SIN3A: variants seen among roughly 807,000 people sequenced by gnomAD.
SIN3A encodes paired amphipathic helix protein Sin3a.
Under a neutral mutation model 146.1 loss-of-function variants are expected in SIN3A, and 14 were observed. The ratio of observed to expected loss-of-function variants is 0.10; its 90% CI spans 0.06 to 0.15. SIN3A has a LOEUF of 0.15. Among genes scored for constraint, SIN3A ranks in the 10% least tolerant of loss-of-function variants. The pLI is 1.00. For missense variants in SIN3A, 1,028 were observed against 1,576.0 expected, an observed-to-expected ratio of 0.65 and a Z score of 5.89; for synonymous variants, 572 against 572.0, an observed-to-expected ratio of 1.00 and a Z score of 0.00.
At chr15:75,373,279 G>C (rs898592051) in intron 20 of SIN3A, among the ~76,000 whole-genome samples, 2 of 152,208 alleles carry the variant, frequency 1.3e-5, no homozygotes, top group African/African-American at 4.8e-5. Context: ...TCGAGAGGCT[G>C]AGACAAGAGA....
At chr15:75,422,598 T>G (rs2073858187) in intron 3 of SIN3A, 49 bp downstream of exon 3, 1 of 1,599,124 alleles carries the variant, frequency 6.3e-7, no homozygotes. Flanking sequence ...AACCAGTATT[T>G]CCTGCTAAAG....
upstream of SIN3A, among the ~76,000 whole-genome samples, chr15:75,451,954 C>T (rs1287502389): frequency 6.6e-6 from 1 of 152,100 alleles, no homozygotes; most frequent in East Asian, 1.9e-4. Context: ...AGCCCCAACA[C>T]TATTGGAGGA....
At chr15:75,422,522 TA>T in intron 3 of SIN3A, 124 bp downstream of exon 3, 1 of 1,137,028 alleles carries the variant, frequency 8.8e-7, no homozygotes, top group Non-Finnish European at 1.3e-6. Flanking sequence ...ACAAAAACGG[TA>T]AAACTTGTGA....
rs1346616611 is a variant in SIN3A, at chr15:75,451,570, C to A, written c.-181G>T. 1.5e-5 allele frequency: 2 copies of A among 136,756 alleles called. No homozygotes were observed. Among genetic ancestry groups the A allele is most frequent in the African/African-American group, 2.6e-5 (1 of 37,884 alleles). 8.5% of individuals were successfully genotyped at this position (136,756 alleles called of 1,614,324 possible). A position where few individuals can be genotyped will look rare whatever the true frequency, so the allele number is the denominator to read the frequency against. On this transcript the variant is annotated 5_prime_UTR_variant, in exon 1 of 21. Transcript: ENST00000394947. ...TCCACTAACGAAGCGGTCACAGGCT[C>A]CGGTGCCCAGACTGGGAAGGAGGGA...
chr15:75,434,308 T>G (rs2074063739), intron 1 of SIN3A, among the ~76,000 whole-genome samples: 3 of 152,202 alleles, frequency 2.0e-5, no homozygotes, highest in Non-Finnish European at 4.4e-5. Flanking sequence ...GTAGATGATT[T>G]CAGCCCTTGC....
At chr15:75,404,531 C>T (rs1442150893) in intron 9 of SIN3A, among the ~76,000 whole-genome samples, 1 of 152,048 alleles carries the variant, frequency 6.6e-6, no homozygotes, top group Admixed American at 6.6e-5. Flanking sequence ...GAGGCCAAGG[C>T]AGGCGGATCA....
chr15:75,418,307 G>C (rs2073779250), intron 3 of SIN3A, among the ~76,000 whole-genome samples: 1 of 150,826 alleles, frequency 6.6e-6, no homozygotes, highest in Non-Finnish European at 1.5e-5. Context: ...TGGGATTACA[G>C]GCGTAAGCCA....
intron 3 of SIN3A, chr15:75,415,761 G>T (rs571780555): frequency 6.2e-6 from 1 of 161,410 alleles, no homozygotes; most frequent in Non-Finnish European, 1.3e-5. Flanking sequence ...TGAGGCAGGG[G>T]AATCACTTGA....
intron 9 of SIN3A, 114 bp from the exon 10 acceptor site, chr15:75,402,084 G>A: frequency 1.5e-6 from 1 of 675,616 alleles, no homozygotes; most frequent in Non-Finnish European, 2.6e-6. Flanking sequence ...TCAGCTCACT[G>A]CAGCCTCCCA....
At position 75,414,300 on chromosome 15, in the gene SIN3A, C is replaced by G; in HGVS notation, c.378G>C (p.Ala126=). ...GCTTCACCTGGTCAAGATAAGATAGCGCATCCTCCACCTGAGGCAGGGATA... is the reference window on the plus strand; with the variant it reads ...GCTTCACCTGGTCAAGATAAGATAGGGCATCCTCCACCTGAGGCAGGGATA... ...QQFQRLKVED[A]LSYLDQVKLQ... The change falls in exon 4 of 21, where the codon GCG becomes GCC. Residue 126 remains alanine (A), a synonymous_variant. Coordinates refer to ENST00000394947, the MANE Select transcript of SIN3A (RefSeq NM_001145358.2). The G allele has an allele frequency of 2.7e-6, 4 of 1,501,718 alleles. No individual in the cohort carries two copies. The highest frequency in any genetic ancestry group is 1.8e-4 in the Middle Eastern group (1 of 5,674). 93.0% of individuals were successfully genotyped at this position (1,501,718 alleles called of 1,614,324 possible).
intron 1 of SIN3A, among the ~76,000 whole-genome samples, chr15:75,446,791 T>C (rs1260522163): frequency 2.0e-5 from 3 of 152,074 alleles, no homozygotes; most frequent in Non-Finnish European, 4.4e-5. Flanking sequence ...TTTTTTCTTT[T>C]GAGACAGTCT....
rs34167956 is a variant in SIN3A, at chr15:75,396,516, A to AGG, written c.1855-22_1855-21dup. The AGG allele has an allele frequency of 6.4e-7, 1 of 1,565,664 alleles. No homozygotes were observed. Among genetic ancestry groups the AGG allele is most frequent in the African/African-American group, 1.4e-5 (1 of 73,880 alleles). On this transcript the variant is annotated intron_variant, in intron 12 of 20. Transcript: ENST00000394947. ...ATCAAGCTGAAGAGGAAGACAAAGAAGGGTATGCTCAGGACCCAAATCAAA... is the reference window on the plus strand; with the variant it reads ...ATCAAGCTGAAGAGGAAGACAAAGAAGGGGGTATGCTCAGGACCCAAATCAAA...
rs1457915917 is a variant in SIN3A at position 75,378,087 on chromosome 15, C to T, written c.3384-2215G>A. 3.3e-5 allele frequency among the ~76,000 whole-genome samples: 5 copies of T among 152,168 alleles called. No homozygotes were observed. The East Asian group carries it at 9.6e-4, about 29-fold the overall frequency. On this transcript the variant is annotated intron_variant, in intron 19 of 20. Coordinates refer to ENST00000394947, the MANE Select transcript of SIN3A (RefSeq NM_001145358.2). ...ATCAATGTGATTTCTTTTGGAGACA[C>T]TGTAAAATATATCAACATTTAGTAG...
Position 75,382,613 on chromosome 15 carries a change from A to T in SIN3A, c.3196-908T>A, listed in dbSNP as rs528129134. On this transcript the variant is annotated intron_variant, in intron 17 of 20. Transcript: ENST00000394947. The stretch of plus-strand genomic sequence containing the variant: ...ATCAAATAGCCATAAAAAAGACAAT[A>T]AAGACCCAGAAGTGTTGTTAATTGA... Among the ~76,000 whole-genome samples the T allele has an allele frequency of 5.7e-3, 874 of 152,252 alleles. 3 individuals are homozygous for T. The highest frequency in any genetic ancestry group is 1.0e-2 in the Non-Finnish European group (680 of 68,044).
At chr15:75,386,264 G>C (rs2073075149) in intron 16 of SIN3A, among the ~76,000 whole-genome samples, 1 of 152,232 alleles carries the variant, frequency 6.6e-6, no homozygotes, top group South Asian at 2.1e-4. Flanking sequence ...CTGAGCTCAA[G>C]TGATCCACCC....
intron 3 of SIN3A, chr15:75,415,943 G>T: frequency 3.0e-6 from 1 of 332,082 alleles, no homozygotes; most frequent in South Asian, 3.1e-5. Flanking sequence ...TGGCAGGGAG[G>T]GGAATAACCT....
chr15:75,381,691 C>A lies in SIN3A; in HGVS notation c.3210G>T (p.Gln1070His). 6.2e-7 allele frequency: 1 copy of A among 1,613,662 alleles called. No homozygotes were observed. The highest frequency in any genetic ancestry group is 8.5e-7 in the Non-Finnish European group (1 of 1,179,746). Residue 1070 changes from glutamine (Q) to histidine (H), a missense_variant, in exon 18 of 21, where the codon CAG becomes CAT. Around this residue, in one of 9 missense-constraint regions of SIN3A, gnomAD observed 488 missense variants for 690.2 expected, o/e 0.71. Coordinates refer to ENST00000394947, the MANE Select transcript of SIN3A (RefSeq NM_001145358.2). ...DENCFKLMFI[Q>H]SQGQVQLTIE... The stretch of plus-strand genomic sequence containing the variant: ...TAGTCAGCTGGACCTGGCCTTGGCT[C>A]TGAATAAACATAAGCTGCAAATAAG...
intron 1 of SIN3A, among the ~76,000 whole-genome samples, chr15:75,430,882 T>C (rs1454187324): frequency 6.6e-6 from 1 of 152,052 alleles, no homozygotes; most frequent in Non-Finnish European, 1.5e-5. Flanking sequence ...TTCACGCCAT[T>C]CTCCTGCCTC....
At chr15:75,383,448 G>C (rs888178992) in intron 17 of SIN3A, among the ~76,000 whole-genome samples, 7 of 151,836 alleles carry the variant, frequency 4.6e-5, no homozygotes, top group Non-Finnish European at 1.0e-4. Context: ...TTTTGGGACA[G>C]AGTCTTGCTC....
Sources: gnomAD v4.1 joint callset for allele counts (sites outside exome capture counted in the v4.1 genomes callset) on GRCh38, gnomAD v4.1.1 for gene constraint, gnomAD v4.1.1 regional missense constraint, MANE v1.5 for transcripts, NCBI Gene and HGNC (gene_info 2026-07-23, HGNC 2026-07-21) for gene names.